CNBD1: variants seen among roughly 807,000 people sequenced by gnomAD.
CNBD1 encodes cyclic nucleotide binding domain containing 1.
Under a neutral mutation model 54.4 loss-of-function variants are expected in CNBD1, and 71 were observed. The observed-to-expected ratio is 1.30, with a 90% confidence interval of 1.08 to 1.59. The LOEUF (loss-of-function observed/expected upper bound fraction) is 1.59. Among genes scored for constraint, CNBD1 ranks in the 40% most tolerant of loss-of-function variants. CNBD1 has a pLI of 0.00. For synonymous variants in CNBD1, 182 were observed against 170.7 expected, an observed-to-expected ratio of 1.07 and a Z score of -0.51; for missense variants, 659 against 518.0, an observed-to-expected ratio of 1.27 and a Z score of -2.64.
chr8:87,254,549 AACTG>A (rs1321892116), intron 6 of CNBD1, among the ~76,000 whole-genome samples: 1 of 152,208 alleles, frequency 6.6e-6, no homozygotes, highest in East Asian at 1.9e-4. Flanking sequence ...GATTCTCATC[AACTG>A]AATATTCTTC....
intron 4 of CNBD1, among the ~76,000 whole-genome samples, chr8:86,950,240 T>G (rs1414091863): frequency 6.6e-6 from 1 of 151,828 alleles, no homozygotes; most frequent in African/African-American, 2.4e-5. Context: ...TTTGTATTTT[T>G]AGTAGAGACA....
At chr8:87,216,393 C>A (rs1197319575) in intron 5 of CNBD1, among the ~76,000 whole-genome samples, 1 of 152,122 alleles carries the variant, frequency 6.6e-6, no homozygotes, top group Non-Finnish European at 1.5e-5. Context: ...ATATATCATA[C>A]ACGTACACTA....
intron 8 of CNBD1, among the ~76,000 whole-genome samples, chr8:87,351,091 A>T (rs941697094): frequency 6.6e-6 from 1 of 152,166 alleles, no homozygotes; most frequent in Admixed American, 6.5e-5. Flanking sequence ...AAGGACTCCT[A>T]ATTAATTTTT....
chr8:87,034,102 T>C (rs1809855380), intron 4 of CNBD1, among the ~76,000 whole-genome samples: 1 of 152,208 alleles, frequency 6.6e-6, no homozygotes, highest in African/African-American at 2.4e-5. Context: ...TTTTCTTTTT[T>C]CCATTTATTT....
chr8:86,946,775 C>A (rs565462564), intron 4 of CNBD1, among the ~76,000 whole-genome samples: 1 of 152,224 alleles, frequency 6.6e-6, no homozygotes, highest in Non-Finnish European at 1.5e-5. Flanking sequence ...TGAACTATCA[C>A]AAAAATCCAT....
intron 10 of CNBD1, among the ~76,000 whole-genome samples, chr8:87,379,215 G>A (rs1041301984): frequency 9.2e-5 from 14 of 151,918 alleles, no homozygotes; most frequent in Non-Finnish European, 1.2e-4. Flanking sequence ...GTGAGAGAGG[G>A]CATCCCTGTC....
At chr8:87,147,321 T>C (rs2130744683) in intron 4 of CNBD1, among the ~76,000 whole-genome samples, 2 of 152,274 alleles carry the variant, frequency 1.3e-5, no homozygotes, top group Middle Eastern at 3.4e-3. Context: ...CTCATCACTA[T>C]TTTTCACACA....
At chr8:87,087,175 CAAA>C (rs59439868) in intron 4 of CNBD1, among the ~76,000 whole-genome samples, 5 of 113,516 alleles carry the variant, frequency 4.4e-5, no homozygotes, top group Admixed American at 9.3e-5. Context: ...ATGTATGAGG[CAAA>C]AAAAAAAAAA....
chr8:87,327,545 C>T lies in CNBD1; in HGVS notation c.1043-24140C>T, dbSNP rs190523393. Among the ~76,000 whole-genome samples the T allele has an allele frequency of 4.4e-3, 665 of 152,278 alleles. 4 individuals carry two copies. The highest frequency in any genetic ancestry group is 0.031 in the Middle Eastern group (9 of 294). On this transcript the variant is annotated intron_variant, in intron 8 of 10. Coordinates refer to ENST00000518476, the MANE Select transcript of CNBD1 (RefSeq NM_173538.3). ...AAGCCGGTCTGAAAAGCGCAATATT[C>T]GGGTGGGAGTGACCCGATTTTCCAG...
intron 8 of CNBD1, among the ~76,000 whole-genome samples, chr8:87,334,125 C>T (rs1809893112): frequency 6.6e-6 from 1 of 151,888 alleles, no homozygotes; most frequent in African/African-American, 2.4e-5. Flanking sequence ...TGTATGTGTC[C>T]AAGAATTTAT....
At chr8:87,153,724 A>T (rs1347313977) in intron 4 of CNBD1, among the ~76,000 whole-genome samples, 1 of 152,226 alleles carries the variant, frequency 6.6e-6, no homozygotes, top group East Asian at 1.9e-4. Context: ...ATGGAGATAC[A>T]TGAGTGAGCA....
At chr8:87,270,540 T>G (rs938051508) in intron 6 of CNBD1, among the ~76,000 whole-genome samples, 2 of 152,110 alleles carry the variant, frequency 1.3e-5, no homozygotes, top group African/African-American at 4.8e-5. Context: ...TCAACCATTG[T>G]GGAAAGCAGT....
chr8:86,919,255 T>C (rs1003091093), intron 3 of CNBD1, among the ~76,000 whole-genome samples: 1 of 152,144 alleles, frequency 6.6e-6, no homozygotes, highest in African/African-American at 2.4e-5. Flanking sequence ...CTCCTTTTGG[T>C]GTTAAGAGGA....
At chr8:87,144,620 A>C (rs1176990909) in intron 4 of CNBD1, among the ~76,000 whole-genome samples, 2 of 152,094 alleles carry the variant, frequency 1.3e-5, no homozygotes, top group Non-Finnish European at 2.9e-5. Flanking sequence ...TCAGGAGTTC[A>C]AGACCAGTGT....
chr8:87,315,502 C>T (rs568695886), intron 8 of CNBD1, among the ~76,000 whole-genome samples: 2 of 151,714 alleles, frequency 1.3e-5, no homozygotes, highest in South Asian at 4.2e-4. Flanking sequence ...CAAAAGGGAA[C>T]CAGAGATCAC....
chr8:87,412,182 G>T (rs931271622), intron 2 of CNBD1, among the ~76,000 whole-genome samples: 3 of 151,774 alleles, frequency 2.0e-5, no homozygotes, highest in African/African-American at 4.8e-5. Flanking sequence ...TCTGCTTAAG[G>T]CAAACTTGGA....
At chr8:86,988,419 T>TA (rs923683016) in intron 4 of CNBD1, among the ~76,000 whole-genome samples, 1 of 151,954 alleles carries the variant, frequency 6.6e-6, no homozygotes, top group Non-Finnish European at 1.5e-5. Context: ...ATTTATGGAG[T>TA]ACATGAGATA....
intron 2 of CNBD1, among the ~76,000 whole-genome samples, chr8:87,395,848 C>T (rs940874303): frequency 5.3e-5 from 8 of 151,750 alleles, no homozygotes; most frequent in African/African-American, 1.9e-4. Flanking sequence ...ATACTGTCAG[C>T]GTTATAGTGA....
intron 4 of CNBD1, among the ~76,000 whole-genome samples, chr8:87,068,615 T>C (rs1175462241): frequency 6.6e-6 from 1 of 152,124 alleles, no homozygotes; most frequent in Non-Finnish European, 1.5e-5. Context: ...AAGCAAGGGA[T>C]ATATAGTAAA....
Sources: gnomAD v4.1 joint callset for allele counts (sites outside exome capture counted in the v4.1 genomes callset) on GRCh38, gnomAD v4.1.1 for gene constraint, MANE v1.5 for transcripts, NCBI Gene and HGNC (gene_info 2026-07-23, HGNC 2026-07-21) for gene names.